FER: variants seen among roughly 807,000 people sequenced by gnomAD.
The protein encoded by FER is FER tyrosine kinase, also known as tyrosine-protein kinase Fer.
In FER, 63 loss-of-function variants were observed where a neutral mutation model predicts 111.0. That is an observed-to-expected ratio of 0.57 (90% CI 0.46 to 0.70). FER has a LOEUF of 0.70. Among genes scored for constraint, FER ranks in the 30% least tolerant of loss-of-function variants. The pLI, the probability that FER is intolerant of heterozygous loss-of-function variation, is 0.00. For missense variants in FER, 914 were observed against 954.0 expected, an observed-to-expected ratio of 0.96 and a Z score of 0.55; for synonymous variants, 327 against 313.9, an observed-to-expected ratio of 1.04 and a Z score of -0.44.
intron 9 of FER, among the ~76,000 whole-genome samples, chr5:108,896,991 T>G (rs565186625): frequency 7.9e-5 from 12 of 152,278 alleles, no homozygotes; most frequent in African/African-American, 2.9e-4. Context: ...AGTTTGAAAT[T>G]CCCATTGAAG....
At chr5:108,993,518 G>A (rs550387264) in intron 13 of FER, among the ~76,000 whole-genome samples, 1 of 151,998 alleles carries the variant, frequency 6.6e-6, no homozygotes, top group African/African-American at 2.4e-5. Flanking sequence ...CGGCATCAGA[G>A]GGAGACTGTG....
chr5:108,831,760 A>T (rs1238524540), intron 3 of FER, among the ~76,000 whole-genome samples: 1 of 152,182 alleles, frequency 6.6e-6, no homozygotes, highest in African/African-American at 2.4e-5. Flanking sequence ...TGAAATTTTG[A>T]TTTTTGATTA....
intron 13 of FER, among the ~76,000 whole-genome samples, chr5:109,016,744 C>T (rs1767186995): frequency 1.3e-5 from 2 of 152,070 alleles, no homozygotes; most frequent in Non-Finnish European, 2.9e-5. Context: ...ATATTTTCCA[C>T]ATTATTATTA....
chr5:109,046,227 C>G (rs1771952971), intron 15 of FER, among the ~76,000 whole-genome samples: 2 of 152,050 alleles, frequency 1.3e-5, no homozygotes, highest in African/African-American at 4.8e-5. Flanking sequence ...TGAAATTGAC[C>G]CTGATCAAGA....
chr5:108,954,713 T>TTC lies in FER; in HGVS notation c.1330-15_1330-14insCT. The TTC allele has an allele frequency of 6.8e-7, 1 of 1,480,646 alleles. No homozygotes were observed. 91.7% of individuals were successfully genotyped at this position (1,480,646 alleles called of 1,614,324 possible). ...TTTTCTCTAATTTAGTTTTTTTTTT[T>TTC]TAATATTTGTTTAAGCTTTCTGATA... On this transcript the variant is annotated splice_polypyrimidine_tract_variant and intron_variant, in intron 11 of 19. Coordinates refer to ENST00000281092, the MANE Select transcript of FER (RefSeq NM_005246.4).
rs1165401708 is a variant in FER at position 108,879,699 on chromosome 5, A to ATATATATATATATATATATATATAT, written c.924-3697_924-3696insTATATATATATATATATATATATAT. 3.3e-3 allele frequency among the ~76,000 whole-genome samples: 305 copies of ATATATATATATATATATATATATAT among 93,070 alleles called. 3 individuals are homozygous for ATATATATATATATATATATATATAT. Among genetic ancestry groups the ATATATATATATATATATATATATAT allele is most frequent in the Middle Eastern group, 6.0e-3 (1 of 166 alleles). 61.1% of individuals were successfully genotyped at this position (93,070 alleles called of 152,430 possible). ...ATATGTATTTTTTTTAGATTAAAAA[A>ATATATATATATATATATATATATAT]AAATATATATATATATATATATATA... On this transcript the variant is annotated intron_variant, in intron 8 of 19. Coordinates refer to ENST00000281092, the MANE Select transcript of FER (RefSeq NM_005246.4).
intron 13 of FER, among the ~76,000 whole-genome samples, chr5:108,975,241 G>A (rs1223251262): frequency 3.3e-5 from 5 of 152,002 alleles, no homozygotes; most frequent in African/African-American, 7.2e-5. Context: ...ATCACACACC[G>A]GGGTCTGTCG....
intron 10 of FER, among the ~76,000 whole-genome samples, chr5:108,942,779 G>T (rs947044038): frequency 6.6e-6 from 1 of 152,052 alleles, no homozygotes; most frequent in Non-Finnish European, 1.5e-5. Flanking sequence ...TCAGAAGGTA[G>T]TCTTCTCTGG....
At chr5:108,787,910 G>A (rs533225864) in intron 2 of FER, among the ~76,000 whole-genome samples, 1 of 152,332 alleles carries the variant, frequency 6.6e-6, no homozygotes, top group South Asian at 2.1e-4. Flanking sequence ...CCAGTTGTCT[G>A]CATACCTCAT....
rs553368534 is a variant in FER at position 108,877,026 on chromosome 5, T to C, written c.923+4814T>C. ...CTTCTTGGTGGCAAAGTCTAAAATA[T>C]TTGCTTTCTGTGCTTTTATCAGAAA... On this transcript the variant is annotated intron_variant, in intron 8 of 19. Transcript: ENST00000281092. Among the ~76,000 whole-genome samples the C allele has an allele frequency of 3.3e-3, 498 of 152,318 alleles. 3 individuals carry two copies. The highest frequency in any genetic ancestry group is 6.8e-3 in the Middle Eastern group (2 of 294).
chr5:109,070,157 C>T (rs954810726), intron 16 of FER, among the ~76,000 whole-genome samples: 4 of 151,442 alleles, frequency 2.6e-5, no homozygotes, highest in African/African-American at 9.7e-5. Flanking sequence ...TCTCCGCAAC[C>T]ATATGTCCCT....
At chr5:109,074,717 T>C (rs1561861984) in intron 16 of FER, among the ~76,000 whole-genome samples, 1 of 152,252 alleles carries the variant, frequency 6.6e-6, no homozygotes, top group Non-Finnish European at 1.5e-5. Context: ...TGAAGAGTTG[T>C]ACAGGTATGT....
At chr5:108,951,156 C>G (rs1038037385) in intron 11 of FER, among the ~76,000 whole-genome samples, 2 of 151,834 alleles carry the variant, frequency 1.3e-5, no homozygotes, top group Non-Finnish European at 2.9e-5. Flanking sequence ...CCCAGCTACT[C>G]GGGAGGCTGA....
rs71586586 is a variant in FER, at chr5:108,769,014, A to G, written c.-60+776A>G. 5.8e-3 allele frequency among the ~76,000 whole-genome samples: 884 copies of G among 151,988 alleles called. 12 individuals are homozygous for G. Among genetic ancestry groups the G allele is most frequent in the African/African-American group, 0.021 (850 of 41,432 alleles). On this transcript the variant is annotated intron_variant, in intron 2 of 19. Transcript: ENST00000281092. The stretch of plus-strand genomic sequence containing the variant: ...TAATTTTTGTATTTTTTTAGAAGAG[A>G]TGGGGTTTTGCCACATTGGCCAGGC...
At chr5:109,079,410 C>G (rs537685118) in intron 16 of FER, among the ~76,000 whole-genome samples, 8 of 152,076 alleles carry the variant, frequency 5.3e-5, no homozygotes, top group Non-Finnish European at 1.0e-4. Flanking sequence ...TGTTTGACAT[C>G]GGTAACTCCA....
At chr5:108,794,540 C>T (rs1216446288) in intron 2 of FER, among the ~76,000 whole-genome samples, 3 of 143,252 alleles carry the variant, frequency 2.1e-5, no homozygotes, top group African/African-American at 7.6e-5. Flanking sequence ...CCCCCCCTCC[C>T]CGCACCTTAA....
chr5:108,814,772 A>G (rs1758112310), intron 3 of FER, among the ~76,000 whole-genome samples: 2 of 152,176 alleles, frequency 1.3e-5, no homozygotes, highest in Admixed American at 1.3e-4. Context: ...TCAAGATGGA[A>G]TCACTCTAGT....
intron 17 of FER, among the ~76,000 whole-genome samples, chr5:109,154,368 G>T (rs758376805): frequency 6.6e-6 from 1 of 151,836 alleles, no homozygotes; most frequent in South Asian, 2.1e-4. Context: ...CCACGTAAAA[G>T]GTGAAAGCCT....
chr5:109,153,977 A>G (rs1297201810), intron 17 of FER, among the ~76,000 whole-genome samples: 1 of 151,824 alleles, frequency 6.6e-6, no homozygotes, highest in Non-Finnish European at 1.5e-5. Flanking sequence ...GTGAATTACC[A>G]TATTCTCAGC....
Sources: gnomAD v4.1 joint callset for allele counts (sites outside exome capture counted in the v4.1 genomes callset) on GRCh38, gnomAD v4.1.1 for gene constraint, MANE v1.5 for transcripts, NCBI Gene and HGNC (gene_info 2026-07-23, HGNC 2026-07-21) for gene names.